Variants in BRINP1 observed in about 807,000 individuals in gnomAD.
The protein encoded by BRINP1 is BMP/retinoic acid inducible neural specific 1, also known as BMP/retinoic acid-inducible neural-specific protein 1.
A neutral mutation model predicts 72.9 loss-of-function variants in BRINP1; 17 were observed. That is an observed-to-expected ratio of 0.23 (90% CI 0.16 to 0.35). The LOEUF is 0.35. BRINP1 is among the 10% of genes least tolerant of loss of function. The probability of loss-of-function intolerance (pLI) is 1.00; values close to 1 mark genes in which losing one functional copy is unlikely to be tolerated. For synonymous variants in BRINP1, 418 were observed against 378.5 expected (o/e 1.10, Z -1.21); for missense variants, 850 against 1,001.6 (o/e 0.85, Z 2.04).
intron 1 of BRINP1, among the ~76,000 whole-genome samples, chr9:119,353,822 C>CTTTTTTTTT (rs138900910): frequency 3.2e-5 from 1 of 30,960 alleles, no homozygotes; most frequent in Non-Finnish European, 5.8e-5. Flanking sequence ...GTTTTGAGCA[C>CTTTTTTTTT]TTTTTTTTTT....
intron 3 of BRINP1, among the ~76,000 whole-genome samples, chr9:119,245,388 C>T (rs534248671): frequency 1.2e-4 from 18 of 152,292 alleles, no homozygotes; most frequent in Admixed American, 2.0e-4. Flanking sequence ...CTTCCATGCA[C>T]GCATAGTCAT....
At chr9:119,304,874 C>G (rs1309456356) in intron 2 of BRINP1, among the ~76,000 whole-genome samples, 1 of 152,222 alleles carries the variant, frequency 6.6e-6, no homozygotes, top group Non-Finnish European at 1.5e-5. Flanking sequence ...CTCTCTTTCT[C>G]CCTTTCTCCC....
At chr9:119,355,054 C>T (rs1162206249) in intron 1 of BRINP1, among the ~76,000 whole-genome samples, 1 of 152,116 alleles carries the variant, frequency 6.6e-6, no homozygotes, top group Non-Finnish European at 1.5e-5. Context: ...GACTCCTGTT[C>T]CTACGACAAA....
intron 1 of BRINP1, among the ~76,000 whole-genome samples, chr9:119,315,045 CTTTT>C (rs1221058791): frequency 6.6e-6 from 1 of 152,078 alleles, no homozygotes; most frequent in African/African-American, 2.4e-5. Context: ...AGGTCATTTT[CTTTT>C]TTTATTAATT....
At chr9:119,348,131 C>G (rs1384366044) in intron 1 of BRINP1, among the ~76,000 whole-genome samples, 1 of 152,208 alleles carries the variant, frequency 6.6e-6, no homozygotes, top group African/African-American at 2.4e-5. Flanking sequence ...CTTATCTCCC[C>G]TGCCCCATTC....
intron 1 of BRINP1, among the ~76,000 whole-genome samples, chr9:119,320,434 T>C (rs573443691): frequency 6.6e-6 from 1 of 152,148 alleles, no homozygotes; most frequent in Non-Finnish European, 1.5e-5. Context: ...AGAAATTCAA[T>C]AGTGGACAGA....
rs7030281 is a variant in BRINP1, at chr9:119,293,697, T to G, written c.218+19441A>C. The stretch of plus-strand genomic sequence containing the variant: ...CATATGAGACATTGTTTTGTGAATT[T>G]TAAAGCATTGCATATAGATAGTATA... On this transcript the variant is annotated intron_variant, in intron 2 of 7. Transcript: ENST00000265922. Among the ~76,000 whole-genome samples the G allele has an allele frequency of 7.7e-3, 1,180 of 152,280 alleles. 13 individuals carry two copies. Among genetic ancestry groups the G allele is most frequent in the African/African-American group, 0.027 (1,139 of 41,544 alleles).
At chr9:119,290,502 TG>T (rs1390490499) in intron 2 of BRINP1, among the ~76,000 whole-genome samples, 1 of 152,122 alleles carries the variant, frequency 6.6e-6, no homozygotes, top group African/African-American at 2.4e-5. Context: ...AGAAACAAAC[TG>T]GTAGGGAAGG....
Position 119,167,412 on chromosome 9 carries a change from G to A in BRINP1, c.1958C>T (p.Ser653Leu), listed in dbSNP as rs755443342. Residue 653 changes from serine to leucine, a missense_variant, in exon 8 of 8, where the codon TCA (serine) becomes TTA (leucine). Ser to Leu is a moderately radical substitution (Grantham distance 145). Coordinates refer to ENST00000265922, the MANE Select transcript of BRINP1 (RefSeq NM_014618.3). This position sits in a 1 kb window ranked among gnomAD's most constrained non-coding sequence, Gnocchi z 4.3. ...PSKRQFYIKISDVQVFGYSLR... is the reference protein window; with the variant it reads ...PSKRQFYIKILDVQVFGYSLR... ...GCTATACCCAAACACCTGCACGTCT[G>A]AGATCTTGATGTAGAACTGCCTCTT... 4 of 1,614,058 alleles carry A rather than the reference G, an allele frequency of 2.5e-6. No homozygotes were observed. In the East Asian group the frequency reaches 6.7e-5, roughly 27 times the overall value.
intron 3 of BRINP1, among the ~76,000 whole-genome samples, chr9:119,245,456 C>A (rs1244377831): frequency 6.6e-6 from 1 of 152,208 alleles, no homozygotes; most frequent in Non-Finnish European, 1.5e-5. Context: ...GTGGTTCCTG[C>A]AGCCCCAAGA....
chr9:119,337,645 C>T (rs1024134081), intron 1 of BRINP1, among the ~76,000 whole-genome samples: 1 of 152,196 alleles, frequency 6.6e-6, no homozygotes, highest in African/African-American at 2.4e-5. Flanking sequence ...TGCTTTCTAA[C>T]CAGAATTGAA....
chr9:119,342,875 T>A (rs1831418284), intron 1 of BRINP1, among the ~76,000 whole-genome samples: 1 of 152,234 alleles, frequency 6.6e-6, no homozygotes. Context: ...GCTCTGGAAC[T>A]GAGGCATCCC....
At chr9:119,252,553 C>T (rs1221125) in intron 2 of BRINP1, among the ~76,000 whole-genome samples, 30,697 of 149,582 alleles carry the variant, frequency 0.21, 3,728 homozygotes, top group Admixed American at 0.26. Flanking sequence ...TATAGTCATA[C>T]GTGTGTGTGT....
chr9:119,362,183 A>G (rs1356006686), intron 1 of BRINP1, among the ~76,000 whole-genome samples: 6 of 152,078 alleles, frequency 3.9e-5, no homozygotes, highest in African/African-American at 1.4e-4. Flanking sequence ...GCCCTTCTCA[A>G]TTTACAGAAG....
chr9:119,252,608 C>CT (rs981585471), intron 2 of BRINP1, among the ~76,000 whole-genome samples: 15 of 151,026 alleles, frequency 9.9e-5, no homozygotes, highest in African/African-American at 3.7e-4. Context: ...TCTTGGGTTG[C>CT]TTTTTTCATA....
intron 1 of BRINP1, among the ~76,000 whole-genome samples, chr9:119,318,617 G>A (rs1831149999): frequency 6.6e-6 from 1 of 152,148 alleles, no homozygotes; most frequent in African/African-American, 2.4e-5. Context: ...CAAGTGGCAA[G>A]CAGGGGATGA....
intron 1 of BRINP1, among the ~76,000 whole-genome samples, chr9:119,336,465 ATG>A (rs1336081749): frequency 6.8e-6 from 1 of 147,710 alleles, no homozygotes; most frequent in African/African-American, 2.5e-5. Context: ...TCACGCTGTA[ATG>A]TGTGTGAAGG....
intron 7 of BRINP1, among the ~76,000 whole-genome samples, chr9:119,170,166 G>T (rs1829386601): frequency 6.6e-6 from 1 of 152,088 alleles, no homozygotes; most frequent in African/African-American, 2.4e-5. Context: ...GAAGGCTTCA[G>T]ACGATCAAAT....
At chr9:119,247,159 G>A (rs527800765) in intron 3 of BRINP1, among the ~76,000 whole-genome samples, 7 of 152,190 alleles carry the variant, frequency 4.6e-5, no homozygotes, top group African/African-American at 1.7e-4. Flanking sequence ...GATGTCCAAA[G>A]AAAAGAGTTT....
Sources: gnomAD v4.1 joint callset for allele counts (sites outside exome capture counted in the v4.1 genomes callset) on GRCh38, gnomAD v4.1.1 for gene constraint, Gnocchi (gnomAD v3.1) non-coding constraint, MANE v1.5 for transcripts, NCBI Gene and HGNC (gene_info 2026-07-23, HGNC 2026-07-21) for gene names.